The following QSOX2 variants were observed in gnomAD, a reference collection of about 807,000 sequenced individuals.
QSOX2 encodes sulfhydryl oxidase 2.
Under a neutral mutation model 61.7 loss-of-function variants are expected in QSOX2, and 46 were observed. The ratio of observed to expected loss-of-function variants is 0.75; its 90% CI spans 0.59 to 0.95. The LOEUF is 0.95. Among genes scored for constraint, QSOX2 ranks in the 40% least tolerant of loss-of-function variants. QSOX2 has a pLI of 0.00. For synonymous variants in QSOX2, 383 were observed against 388.4 expected (o/e 0.99, Z 0.16); for missense variants, 879 against 918.9 (o/e 0.96, Z 0.56).
At chr9:136,241,113 G>T (rs1830430153) in intron 1 of QSOX2, among the ~76,000 whole-genome samples, 1 of 152,226 alleles carries the variant, frequency 6.6e-6, no homozygotes. Context: ...CACTGGGGAG[G>T]CCAGCGGGGA....
Position 136,216,859 on chromosome 9 carries a change from G to C in QSOX2, c.1087-137C>G, listed in dbSNP as rs186803857. 7 of 1,106,446 alleles carry C rather than the reference G, an allele frequency of 6.3e-6. No individual in the cohort carries two copies. The South Asian group carries it at 1.0e-4, about 16-fold the overall frequency. 68.5% of individuals were successfully genotyped at this position (1,106,446 alleles called of 1,614,324 possible). ...CCTAGGATGGGGCCTCTCATAACTC[G>C]GGTTTCTCTGATGGGAGGCAGGAAA... On this transcript the variant is annotated intron_variant, in intron 8 of 11. Transcript: ENST00000358701.
At position 136,245,725 on chromosome 9, in the gene QSOX2, G is replaced by A. The variant is rs1231695893; in HGVS notation, c.79C>T (p.Pro27Ser). The A allele has an allele frequency of 1.1e-5, 12 of 1,141,560 alleles. No homozygotes were observed. The highest frequency in any genetic ancestry group is 1.7e-5 in the African/African-American group (1 of 60,514). The allele number at this position is 1,141,560 out of a possible 1,614,324, so 70.7% of individuals were successfully genotyped here. ...GPALRARRSP[P>S]PRAARLPRLL... The stretch of plus-strand genomic sequence containing the variant: ...CGCGGCAGCCGTGCGGCCCGCGGCG[G>A]GGGCGAGCGCCGGGCTCTCAGCGCA... Residue 27 changes from proline (P) to serine (S), a missense_variant, in exon 1 of 12, where the codon CCG (proline) becomes TCG (serine). Coordinates refer to ENST00000358701, the MANE Select transcript of QSOX2 (RefSeq NM_181701.4).
At chr9:136,231,766 T>A (rs1830332245) in intron 1 of QSOX2, among the ~76,000 whole-genome samples, 1 of 152,208 alleles carries the variant, frequency 6.6e-6, no homozygotes, top group Non-Finnish European at 1.5e-5. Context: ...TGAGCTTCCA[T>A]CAAAGGCTGT....
intron 9 of QSOX2, 55 bp from the exon 10 acceptor site, chr9:136,215,359 T>G (rs1463289451): frequency 1.5e-6 from 2 of 1,314,528 alleles, no homozygotes; most frequent in South Asian, 1.2e-5. Context: ...TTGTTGAAAT[T>G]AAAAACAGTC....
chr9:136,221,668 G>T lies in QSOX2; in HGVS notation c.821+128C>A. 2.0e-6 allele frequency: 2 copies of T among 1,001,650 alleles called. No individual in the cohort carries two copies. The highest frequency in any genetic ancestry group is 3.7e-5 in the South Asian group (2 of 54,016). The allele number at this position is 1,001,650 out of a possible 1,614,324, so 62.0% of individuals were successfully genotyped here. A position where few individuals can be genotyped will look rare whatever the true frequency, so the allele number is the denominator to read the frequency against. ...GGGCTGAGAGCCAGGGCCCAAATCT[G>T]CCCAGGGAAGCGAGGCGGAGGGGCC... is the stretch of plus-strand genomic sequence containing the variant. On this transcript the variant is annotated intron_variant, in intron 6 of 11. Coordinates refer to ENST00000358701, the MANE Select transcript of QSOX2 (RefSeq NM_181701.4). The surrounding 1 kb of genome is among the most constrained non-coding windows in gnomAD (Gnocchi z 4.5).
At chr9:136,232,917 CA>C (rs60814748) in intron 1 of QSOX2, among the ~76,000 whole-genome samples, 1,469 of 45,504 alleles carry the variant, frequency 0.032, 9 homozygotes, top group South Asian at 0.2. Context: ...GAACCTGTCT[CA>C]AAAAAAAAAA....
Position 136,209,313 on chromosome 9 carries a change from A to G in QSOX2, c.1550-38T>C. The G allele has an allele frequency of 6.3e-7, 1 of 1,595,462 alleles. No individual in the cohort carries two copies. The highest frequency in any genetic ancestry group is 8.6e-7 in the Non-Finnish European group (1 of 1,169,260). On this transcript the variant is annotated intron_variant, in intron 11 of 11. Transcript: ENST00000358701. This position sits in a 1 kb window ranked among gnomAD's most constrained non-coding sequence, Gnocchi z 5.6. ...GGAAGCGGGAGAGCCAGAGGGAAGG[A>G]GGCTTTGTGCAGCCACGTGCAGCGT...
In QSOX2 at chr9:136,223,972, A is replaced by G. The variant is rs1044352813; in HGVS notation, c.584+35T>C. The G allele has an allele frequency of 6.3e-7, 1 of 1,593,018 alleles. No individual in the cohort carries two copies. Among genetic ancestry groups the G allele is most frequent in the Non-Finnish European group, 8.6e-7 (1 of 1,161,490 alleles). On this transcript the variant is annotated intron_variant, in intron 4 of 11. Transcript: ENST00000358701. This position sits in a 1 kb window ranked among gnomAD's most constrained non-coding sequence, Gnocchi z 4.4. Reference sequence around the variant, plus strand: ...TACGTTTCTTGCACAGTTCAACACGAGTCTAACGGCCGCCTTCTTCATGGA... The same window carrying G: ...TACGTTTCTTGCACAGTTCAACACGGGTCTAACGGCCGCCTTCTTCATGGA...
rs1222990789 is a variant in QSOX2 at position 136,211,315 on chromosome 9, C to T, written c.1498G>A (p.Ala500Thr). 6.2e-7 allele frequency: 1 copy of T among 1,614,212 alleles called. No homozygotes were observed. The highest frequency in any genetic ancestry group is 1.1e-5 in the South Asian group (1 of 91,088). Reference sequence around the variant, plus strand: ...TGCTTCTTCCACAGCCAGAGGATGGCTTGGTCTGGGGTTTTCACCGAGTCC... The same window carrying T: ...TGCTTCTTCCACAGCCAGAGGATGGTTTGGTCTGGGGTTTTCACCGAGTCC... ...SMDSVKTPDQ[A>T]ILWLWKKHNM... The change falls in exon 11 of 12, where the codon GCC becomes ACC. Residue 500 changes from alanine (A) to threonine (T), a missense_variant. Physicochemically the swap from Ala to Thr is moderately conservative, Grantham distance 58. Transcript: ENST00000358701.
Position 136,218,783 on chromosome 9 carries a change from CCAGGTCCACCGTGTA to C in QSOX2, c.967_981del (p.Tyr323_Leu327del). The C allele has an allele frequency of 1.2e-6, 2 of 1,613,578 alleles. No homozygotes were observed. Among genetic ancestry groups the C allele is most frequent in the Non-Finnish European group, 1.7e-6 (2 of 1,180,020 alleles). On this transcript the variant is annotated inframe_deletion, in exon 8 of 12. Coordinates refer to ENST00000358701, the MANE Select transcript of QSOX2 (RefSeq NM_181701.4). Reference sequence around the variant, plus strand: ...CGCAGGAGGTAGTGTAGCCCTGACTCCAGGTCCACCGTGTACAGCTTCGACCTAGGACGGGATATG... The same window carrying C: ...CGCAGGAGGTAGTGTAGCCCTGACTCCAGCTTCGACCTAGGACGGGATATG...
At chr9:136,218,536 G>T in intron 8 of QSOX2, 143 bp downstream of exon 8, 1 of 966,874 alleles carries the variant, frequency 1.0e-6, no homozygotes, top group Non-Finnish European at 1.5e-6. Context: ...GGAATGAGTT[G>T]GGGCGTGGGC....
At position 136,245,627 on chromosome 9, in the gene QSOX2, G is replaced by A. The variant is rs1830467569; in HGVS notation, c.177C>T (p.Gly59=). Residue 59 remains glycine (G), a synonymous_variant, in exon 1 of 12, where the codon GGC becomes GGT. Coordinates refer to ENST00000358701, the MANE Select transcript of QSOX2 (RefSeq NM_181701.4). ...AGGAARLYRA[G]EDAVWVLDSG... ...TGTCCAGCACCCACACGGCGTCCTC[G>A]CCCGCGCGGTACAGCCGCGCCGCAC... is the stretch of plus-strand genomic sequence containing the variant. The A allele has an allele frequency of 1.3e-6, 2 of 1,508,660 alleles. No homozygotes were observed. Among genetic ancestry groups the A allele is most frequent in the Non-Finnish European group, 1.8e-6 (2 of 1,138,386 alleles). The allele number at this position is 1,508,660 out of a possible 1,614,324, so 93.5% of individuals were successfully genotyped here.
At chr9:136,233,892 A>G (rs1830354236) in intron 1 of QSOX2, among the ~76,000 whole-genome samples, 1 of 152,244 alleles carries the variant, frequency 6.6e-6, no homozygotes, top group Non-Finnish European at 1.5e-5. Flanking sequence ...TGGAAGGAAG[A>G]CTGGGACCAC....
At chr9:136,211,509 A>G in intron 10 of QSOX2, 57 bp from the exon 11 acceptor site, 1 of 1,567,116 alleles carries the variant, frequency 6.4e-7, no homozygotes, top group Non-Finnish European at 8.7e-7. Context: ...ACCTGACCCC[A>G]CGCTTGTCCA....
chr9:136,236,589 C>T (rs1036978696), intron 1 of QSOX2, among the ~76,000 whole-genome samples: 1 of 152,268 alleles, frequency 6.6e-6, no homozygotes, highest in Non-Finnish European at 1.5e-5. Flanking sequence ...CCGAGACTTA[C>T]ACGGGTGCAC....
chr9:136,236,706 CCTGCGTCACGTGGAGCTCGTCCTGGGT>C (rs1300111517), intron 1 of QSOX2, among the ~76,000 whole-genome samples: 5 of 152,160 alleles, frequency 3.3e-5, no homozygotes, highest in East Asian at 1.9e-4. Context: ...CAGTCCTGTG[CCTGCGTCACGTGGAGCTCGTCCTGGGT>C]CTGCGTCACC....
rs780402478 is a variant in QSOX2, at chr9:136,218,670, G to A, written c.1086+9C>T. 7 of 1,612,656 alleles carry A rather than the reference G, an allele frequency of 4.3e-6. No individual in the cohort carries two copies. The highest frequency in any genetic ancestry group is 2.2e-5 in the East Asian group (1 of 44,888). ...CCCACATGCAGCCCAGACCAGCACC[G>A]TCCCAAACCTTGGCCAAGACAGTCA... On this transcript the variant is annotated intron_variant, in intron 8 of 11. Transcript: ENST00000358701.
Position 136,245,327 on chromosome 9 carries a change from G to C in QSOX2, c.328+149C>G, listed in dbSNP as rs1249616304. ...AAAGGCCAGGGTTGGTCCGAGTCGGGTGCCTCTGTGGGGCAGGGACTGGCT... is the reference window on the plus strand; with the variant it reads ...AAAGGCCAGGGTTGGTCCGAGTCGGCTGCCTCTGTGGGGCAGGGACTGGCT... On this transcript the variant is annotated intron_variant, in intron 1 of 11. Coordinates refer to ENST00000358701, the MANE Select transcript of QSOX2 (RefSeq NM_181701.4). 7 of 654,728 alleles carry C rather than the reference G, an allele frequency of 1.1e-5. No homozygotes were observed. In the African/African-American group the frequency reaches 1.2e-4, roughly 11 times the overall value. The allele number at this position is 654,728 out of a possible 1,614,324, so 40.6% of individuals were successfully genotyped here. A position where few individuals can be genotyped will look rare whatever the true frequency, so the allele number is the denominator to read the frequency against.
chr9:136,220,490 G>A (rs1588635267), intron 6 of QSOX2, among the ~76,000 whole-genome samples: 2 of 152,206 alleles, frequency 1.3e-5, no homozygotes, highest in South Asian at 2.1e-4. Context: ...GGAGCCCGGC[G>A]TGGTGAGTCA....
Sources: allele counts gnomAD v4.1 joint callset (sites outside exome capture counted in the v4.1 genomes callset), GRCh38; gene constraint gnomAD v4.1.1; non-coding constraint Gnocchi (gnomAD v3.1); transcripts MANE v1.5; gene names NCBI Gene and HGNC (gene_info 2026-07-23, HGNC 2026-07-21).